SCMH1: variants seen among roughly 807,000 people sequenced by gnomAD.
SCMH1 encodes the protein Scm polycomb group protein homolog 1.
In SCMH1, 37 loss-of-function variants were observed where a neutral mutation model predicts 70.8. The ratio of observed to expected loss-of-function variants is 0.52; its 90% confidence interval spans 0.40 to 0.69. The LOEUF (loss-of-function observed/expected upper bound fraction) is 0.69. Among genes scored for constraint, SCMH1 ranks in the 30% least tolerant of loss-of-function variants. SCMH1 has a pLI of 0.00. For synonymous variants in SCMH1, 292 were observed against 307.4 expected, an observed-to-expected ratio of 0.95 and a Z score of 0.52; for missense variants, 607 against 827.3, an observed-to-expected ratio of 0.73 and a Z score of 3.27.
intron 1 of SCMH1, among the ~76,000 whole-genome samples, chr1:41,217,155 T>C (rs917397612): frequency 2.0e-5 from 3 of 152,200 alleles, no homozygotes; most frequent in African/African-American, 7.2e-5. Flanking sequence ...AAGATGCTTC[T>C]GGTAGAGCCT....
chr1:41,143,926 T>C (rs1197969642), intron 5 of SCMH1, among the ~76,000 whole-genome samples: 2 of 152,250 alleles, frequency 1.3e-5, no homozygotes, highest in East Asian at 3.8e-4. Context: ...CATTTCCTTT[T>C]ATTGTTGAGT....
At chr1:41,151,328 T>G (rs1645058228) in intron 5 of SCMH1, among the ~76,000 whole-genome samples, 1 of 152,180 alleles carries the variant, frequency 6.6e-6, no homozygotes, top group African/African-American at 2.4e-5. Flanking sequence ...CTGTCCGAAT[T>G]AAGAGCTCTA....
intron 13 of SCMH1, among the ~76,000 whole-genome samples, chr1:41,034,291 G>A (rs936060709): frequency 6.7e-6 from 1 of 150,170 alleles, no homozygotes; most frequent in Non-Finnish European, 1.5e-5. Flanking sequence ...CAGCCTTCCT[G>A]AAAGCTCTCT....
chr1:41,222,697 T>G lies in SCMH1; in HGVS notation c.-118+19362A>C, dbSNP rs551107144. Among the ~76,000 whole-genome samples, 10 of 152,228 alleles carry G rather than the reference T, an allele frequency of 6.6e-5. No homozygotes were observed. In the South Asian group the frequency reaches 2.1e-3, roughly 32 times the overall value. On this transcript the variant is annotated intron_variant, in intron 1 of 14. Coordinates refer to ENST00000337495, the Ensembl canonical transcript of SCMH1. ...TACGGTCCACCAACAACTAGGTTGG[T>G]GGGTTTGGAGGCAGATTTTCATTTC...
chr1:41,028,074 C>T (rs1643987654), exon 15 of SCMH1: 7 of 1,260,884 alleles, frequency 5.6e-6, no homozygotes, highest in Non-Finnish European at 7.9e-6. Flanking sequence ...CACACAGCCT[C>T]TTGGAGTCCT....
At chr1:41,058,337 A>G (rs1182234447) in intron 10 of SCMH1, among the ~76,000 whole-genome samples, 3 of 143,842 alleles carry the variant, frequency 2.1e-5, no homozygotes, top group African/African-American at 7.8e-5. Flanking sequence ...ACTGTTCCAA[A>G]GAGGCTTTCA....
rs1180442357 is a variant in SCMH1 at position 41,061,830 on chromosome 1, T to C, written c.1105+8765A>G. On this transcript the variant is annotated intron_variant, in intron 10 of 14. Coordinates refer to ENST00000337495, the Ensembl canonical transcript of SCMH1. ...GCAAGGTAGATCACATTCTGGACCATAAAACACATCTGAATATATTTTTTT... is the reference window on the plus strand; with the variant it reads ...GCAAGGTAGATCACATTCTGGACCACAAAACACATCTGAATATATTTTTTT... 2.0e-5 allele frequency among the ~76,000 whole-genome samples: 3 copies of C among 152,318 alleles called. No individual in the cohort carries two copies. The East Asian group carries it at 5.8e-4, about 29-fold the overall frequency.
chr1:41,146,296 A>G (rs762373351), intron 5 of SCMH1, among the ~76,000 whole-genome samples: 15 of 152,220 alleles, frequency 9.9e-5, no homozygotes, highest in Non-Finnish European at 1.9e-4. Flanking sequence ...TAAGAGTCAA[A>G]AAAGTTAAAA....
At chr1:41,098,889 G>A (rs958667958) in intron 8 of SCMH1, 24 of 188,204 alleles carry the variant, frequency 1.3e-4, no homozygotes, top group East Asian at 8.5e-4. Context: ...AGAAATAAGC[G>A]TGACCGCTAT....
intron 6 of SCMH1, among the ~76,000 whole-genome samples, chr1:41,125,296 G>T (rs1672909535): frequency 6.6e-6 from 1 of 151,998 alleles, no homozygotes; most frequent in Admixed American, 6.6e-5. Flanking sequence ...GCTCACTGCA[G>T]CCTAGACTTC....
In SCMH1 at chr1:41,240,363, T is replaced by C. The variant is rs79516450; in HGVS notation, c.-118+1696A>G. On this transcript the variant is annotated intron_variant, in intron 1 of 14. Transcript: ENST00000337495. Reference sequence around the variant, plus strand: ...TACTGGGCTTAAAACATTACTAACCTGCAGAGTTGCTTAGGCAAGAGTTTA... The same window carrying C: ...TACTGGGCTTAAAACATTACTAACCCGCAGAGTTGCTTAGGCAAGAGTTTA... Among the ~76,000 whole-genome samples the C allele has an allele frequency of 4.0e-3, 603 of 152,336 alleles. 4 individuals carry two copies. Among genetic ancestry groups the C allele is most frequent in the African/African-American group, 0.014 (573 of 41,566 alleles).
At chr1:41,138,659 ATCT>A (rs1430532081) in intron 6 of SCMH1, among the ~76,000 whole-genome samples, 2 of 151,892 alleles carry the variant, frequency 1.3e-5, no homozygotes, top group Non-Finnish European at 2.9e-5. Flanking sequence ...CTATTTTCAC[ATCT>A]TCTTGTCTAT....
intron 8 of SCMH1, among the ~76,000 whole-genome samples, chr1:41,112,405 C>G (rs562526039): frequency 1.3e-5 from 2 of 152,116 alleles, no homozygotes; most frequent in Non-Finnish European, 2.9e-5. Context: ...TTATTATTAT[C>G]TTTACTAAAA....
intron 2 of SCMH1, among the ~76,000 whole-genome samples, chr1:41,167,975 A>C (rs1646527035): frequency 6.9e-6 from 1 of 144,874 alleles, no homozygotes; most frequent in Admixed American, 7.1e-5. Flanking sequence ...CTGATCTGTA[A>C]GGTTTCTGCT....
intron 6 of SCMH1, among the ~76,000 whole-genome samples, chr1:41,137,718 G>T (rs1315100736): frequency 2.0e-5 from 3 of 152,188 alleles, no homozygotes; most frequent in Non-Finnish European, 4.4e-5. Flanking sequence ...TAGCACCACA[G>T]TGATTTCTCT....
At chr1:41,098,390 T>G (rs1449419534) in intron 8 of SCMH1, among the ~76,000 whole-genome samples, 1 of 152,210 alleles carries the variant, frequency 6.6e-6, no homozygotes, top group African/African-American at 2.4e-5. Flanking sequence ...TAACTCACAT[T>G]TTTTGAATGC....
At chr1:41,197,203 T>A (rs576842972) in intron 1 of SCMH1, among the ~76,000 whole-genome samples, 5 of 152,154 alleles carry the variant, frequency 3.3e-5, no homozygotes, top group Non-Finnish European at 7.4e-5. Context: ...GTTATATACC[T>A]AAAAGAACTG....
chr1:41,098,547 G>A (rs1170131865), intron 8 of SCMH1: 1 of 152,176 alleles, frequency 6.6e-6, no homozygotes, highest in African/African-American at 2.4e-5. Flanking sequence ...TAAGTGAAGT[G>A]ACAGTAAATT....
rs60011811 is a variant in SCMH1 at position 41,062,874 on chromosome 1, G to A, written c.1105+7721C>T. 8.7e-4 allele frequency among the ~76,000 whole-genome samples: 127 copies of A among 145,630 alleles called. 2 individuals carry two copies. In the East Asian group the frequency reaches 0.02, roughly 23 times the overall value. On this transcript the variant is annotated intron_variant, in intron 10 of 14. Coordinates refer to ENST00000337495, the Ensembl canonical transcript of SCMH1. ...GTGGAGGTTGCAGTGAGCTGAGATC[G>A]CACCATTGCACTCCAGCCTGGGTGA...
Sources: allele counts gnomAD v4.1 joint callset (sites outside exome capture counted in the v4.1 genomes callset), GRCh38; gene constraint gnomAD v4.1.1; transcripts MANE v1.5; gene names NCBI Gene and HGNC (gene_info 2026-07-23, HGNC 2026-07-21).